The following MTUS2 variants were observed in gnomAD, a reference collection of about 807,000 sequenced individuals.
MTUS2 encodes microtubule associated scaffold protein 2, also known as microtubule-associated tumor suppressor candidate 2.
In MTUS2, 40 loss-of-function variants were observed where a neutral mutation model predicts 114.1. The ratio of observed to expected loss-of-function variants is 0.35; its 90% CI spans 0.27 to 0.46. The LOEUF is 0.46. MTUS2 is among the 20% of genes least tolerant of loss of function. MTUS2 has a pLI of 1.00. For missense variants in MTUS2, 1,679 were observed against 1,705.4 expected, an observed-to-expected ratio of 0.98 and a Z score of 0.27; for synonymous variants, 688 against 672.0, an observed-to-expected ratio of 1.02 and a Z score of -0.37.
chr13:29,165,719 A>G (rs1199921916), intron 5 of MTUS2, among the ~76,000 whole-genome samples: 2 of 152,208 alleles, frequency 1.3e-5, no homozygotes, highest in Non-Finnish European at 2.9e-5. Flanking sequence ...AGTTTCTGCT[A>G]TTAATGCAAC....
At position 29,505,861 on chromosome 13, in the gene MTUS2, C is replaced by T. The variant is rs977641920; in HGVS notation, c.*2655C>T. On this transcript the variant is annotated 3_prime_UTR_variant, in exon 16 of 16. Coordinates refer to ENST00000612955, the MANE Select transcript of MTUS2 (RefSeq NM_001033602.4). ...CCGTGATTAGTTGAATGAATGGGGT[C>T]ACAACATCCCTTTTCCTGCCCCTAC... is the stretch of plus-strand genomic sequence containing the variant. 11 of 228,106 alleles carry T rather than the reference C, an allele frequency of 4.8e-5. No homozygotes were observed. Among genetic ancestry groups the T allele is most frequent in the African/African-American group, 2.4e-4 (11 of 45,002 alleles). The allele number at this position is 228,106 out of a possible 1,614,324, so 14.1% of individuals were successfully genotyped here.
intron 2 of MTUS2, among the ~76,000 whole-genome samples, chr13:28,900,108 G>A (rs9508184): frequency 2.0e-5 from 3 of 151,944 alleles, no homozygotes; most frequent in South Asian, 4.2e-4. Flanking sequence ...GGTTGGCCTC[G>A]AACTCCTAAC....
At chr13:29,107,179 T>A (rs765314956) in intron 5 of MTUS2, among the ~76,000 whole-genome samples, 12 of 152,140 alleles carry the variant, frequency 7.9e-5, no homozygotes, top group Non-Finnish European at 1.6e-4. Flanking sequence ...TGGAAACCCC[T>A]AGGGCTCTTG....
intron 2 of MTUS2, among the ~76,000 whole-genome samples, chr13:29,013,227 T>A (rs1345120051): frequency 6.6e-6 from 1 of 152,192 alleles, no homozygotes; most frequent in Non-Finnish European, 1.5e-5. Flanking sequence ...ACATTGGTAT[T>A]GGAGCAGTTT....
chr13:29,324,489 A>G, intron 6 of MTUS2, 124 bp from the exon 7 acceptor site: 1 of 666,126 alleles, frequency 1.5e-6, no homozygotes, highest in Non-Finnish European at 2.6e-6. Flanking sequence ...GCAACAAATC[A>G]CCCAAATATT....
intron 1 of MTUS2, among the ~76,000 whole-genome samples, chr13:28,828,978 T>C (rs893649958): frequency 2.6e-5 from 4 of 152,226 alleles, no homozygotes; most frequent in Non-Finnish European, 5.9e-5. Flanking sequence ...ATATTATTTA[T>C]CTTGGAACAC....
chr13:29,381,398 C>T (rs547888635), intron 8 of MTUS2, among the ~76,000 whole-genome samples: 4 of 152,276 alleles, frequency 2.6e-5, no homozygotes, highest in Non-Finnish European at 5.9e-5. Context: ...AGAAAATAAC[C>T]TGTCAAAATA....
At chr13:29,194,747 A>G (rs1192966435) in intron 5 of MTUS2, among the ~76,000 whole-genome samples, 2 of 151,766 alleles carry the variant, frequency 1.3e-5, no homozygotes, top group Admixed American at 6.6e-5. Flanking sequence ...ATTACTGGGT[A>G]TATACCCAAA....
chr13:29,338,142 A>T (rs970433626), intron 7 of MTUS2, among the ~76,000 whole-genome samples: 1 of 151,938 alleles, frequency 6.6e-6, no homozygotes, highest in African/African-American at 2.4e-5. Context: ...TGTAATTCTT[A>T]TATGAGCTAA....
intron 5 of MTUS2, among the ~76,000 whole-genome samples, chr13:29,235,629 C>G (rs1236138450): frequency 6.6e-6 from 1 of 152,000 alleles, no homozygotes; most frequent in Non-Finnish European, 1.5e-5. Flanking sequence ...AGATTTTATT[C>G]AATCCTTTTT....
At chr13:29,306,015 A>C (rs985468152) in intron 6 of MTUS2, among the ~76,000 whole-genome samples, 1 of 152,362 alleles carries the variant, frequency 6.6e-6, no homozygotes, top group African/African-American at 2.4e-5. Context: ...TCATCACATC[A>C]ATGGAACTAA....
At chr13:28,905,434 T>TA (rs1408194857) in intron 2 of MTUS2, among the ~76,000 whole-genome samples, 1 of 151,704 alleles carries the variant, frequency 6.6e-6, no homozygotes, top group African/African-American at 2.4e-5. Context: ...ATCCCATCAA[T>TA]ACCTCATTTA....
chr13:29,442,210 A>C (rs962535284), intron 9 of MTUS2, among the ~76,000 whole-genome samples: 3 of 152,124 alleles, frequency 2.0e-5, no homozygotes, highest in African/African-American at 7.2e-5. Context: ...AGGTTCCAAA[A>C]TTCTCAATTC....
At chr13:29,484,675 T>C (rs1419629044) in intron 10 of MTUS2, among the ~76,000 whole-genome samples, 1 of 149,892 alleles carries the variant, frequency 6.7e-6, no homozygotes, top group Admixed American at 6.6e-5. Flanking sequence ...GCAGCCTCCC[T>C]CTCTCTCATC....
At chr13:29,223,008 C>T (rs894980265) in intron 5 of MTUS2, among the ~76,000 whole-genome samples, 8 of 152,126 alleles carry the variant, frequency 5.3e-5, no homozygotes, top group African/African-American at 1.7e-4. Flanking sequence ...CAGTGTGGGC[C>T]CACAGACACC....
At chr13:29,416,213 G>A (rs938832246) in intron 8 of MTUS2, among the ~76,000 whole-genome samples, 3 of 151,372 alleles carry the variant, frequency 2.0e-5, no homozygotes, top group Non-Finnish European at 4.4e-5. Flanking sequence ...ACAGGTGTGA[G>A]CCACCATGCC....
At chr13:29,241,822 C>T (rs1896745557) in intron 5 of MTUS2, among the ~76,000 whole-genome samples, 2 of 152,190 alleles carry the variant, frequency 1.3e-5, no homozygotes, top group South Asian at 2.1e-4. Flanking sequence ...AATTGACTTA[C>T]GTTCTGGCAG....
chr13:29,116,969 C>CT (rs1320044435), intron 5 of MTUS2, among the ~76,000 whole-genome samples: 2 of 152,176 alleles, frequency 1.3e-5, no homozygotes, highest in Non-Finnish European at 2.9e-5. Context: ...GACTACTGTA[C>CT]TAATTTCAAG....
chr13:28,844,590 A>AATGTGTGTGTGT (rs1875736035), intron 2 of MTUS2, among the ~76,000 whole-genome samples: 1 of 148,100 alleles, frequency 6.8e-6, no homozygotes, highest in South Asian at 2.2e-4. Context: ...TTTGTGTGTG[A>AATGTGTGTGTGT]GTGTGTGTGT....
Sources: gnomAD v4.1 joint callset for allele counts (sites outside exome capture counted in the v4.1 genomes callset) on GRCh38, gnomAD v4.1.1 for gene constraint, MANE v1.5 for transcripts, NCBI Gene and HGNC (gene_info 2026-07-23, HGNC 2026-07-21) for gene names.